The following CAPN6 variants were observed in gnomAD, a reference collection of about 807,000 sequenced individuals.
CAPN6 encodes the protein calpain 6, also known as calpain-6.
In CAPN6, 16 loss-of-function variants were observed where a neutral mutation model predicts 46.0. That is an observed-to-expected ratio of 0.35 (90% CI 0.24 to 0.53). The LOEUF is 0.53. Among genes scored for constraint, CAPN6 ranks in the 20% least tolerant of loss-of-function variants. The pLI, the probability that CAPN6 is intolerant of heterozygous loss-of-function variation, is 0.94. For missense variants in CAPN6, 461 were observed against 498.0 expected (o/e 0.93, Z 0.71); for synonymous variants, 206 against 172.8 (o/e 1.19, Z -1.51).
chrX:111,263,101 T>C (rs1354094031), intron 2 of CAPN6, among the ~76,000 whole-genome samples: 1 of 112,483 alleles, frequency 8.9e-6, no homozygotes, highest in Non-Finnish European at 1.9e-5. Flanking sequence ...AGTTGCTTTT[T>C]GTGTTACCAT....
In CAPN6 at chrX:111,248,524, T is replaced by G. The variant is rs748876211; in HGVS notation, c.1484+45A>C. 2.9e-6 allele frequency: 3 copies of G among 1,017,022 alleles called. No homozygotes were observed. The East Asian group carries it at 9.1e-5, about 31-fold the overall frequency. The allele number at this position is 1,017,022 out of a possible 1,213,427, so 83.8% of individuals were successfully genotyped here. On this transcript the variant is annotated intron_variant, in intron 10 of 12. Transcript: ENST00000324068. ...GGGTGAAGGGGTTTAGGATTGGAAG[T>G]AAAGCAAAGAACAGGGGTTTGAGGG... is the stretch of plus-strand genomic sequence containing the variant.
intron 1 of CAPN6, among the ~76,000 whole-genome samples, chrX:111,265,008 G>A (rs2094990730): frequency 8.9e-6 from 1 of 111,997 alleles, no homozygotes; most frequent in African/African-American, 3.2e-5. Flanking sequence ...ATTTCAAAAT[G>A]TATTTTAGAA....
Position 111,251,263 on chromosome X carries a change from G to A in CAPN6, c.917C>T (p.Thr306Ile). The A allele has an allele frequency of 2.5e-6, 3 of 1,203,847 alleles. No homozygotes were observed. In the Admixed American group the frequency reaches 6.6e-5, roughly 26 times the overall value. ...CCCCAGGTTCTTGCGATCTGATGCA[G>A]TCAGTTGCTGCCACTCTTCAGAACT... ...SEISEEWQQL[T>I]ASDRKNLGLV... Residue 306 changes from threonine to isoleucine, a missense_variant, in exon 7 of 13, where the codon ACT becomes ATT. By Grantham distance (89) the Thr-to-Ile change is moderately conservative. Coordinates refer to ENST00000324068, the MANE Select transcript of CAPN6 (RefSeq NM_014289.4).
At chrX:111,261,343 T>C (rs768292205) in intron 2 of CAPN6, among the ~76,000 whole-genome samples, 10 of 112,726 alleles carry the variant, frequency 8.9e-5, no homozygotes, top group Non-Finnish European at 1.7e-4. Flanking sequence ...TCTACTGCTA[T>C]TTTTTAAACT....
chrX:111,247,421 C>G lies in CAPN6; in HGVS notation c.1690G>C (p.Asp564His). 8.3e-7 allele frequency: 1 copy of G among 1,207,946 alleles called. No individual in the cohort carries two copies. The highest frequency in any genetic ancestry group is 1.1e-6 in the Non-Finnish European group (1 of 893,224). ...CTTCTGTAGAAAATGGCCTGGGTGT[C>G]AAAAATGGCATGAACTGTATTCTTC... ...VQKNTVHAIFDTQAIFYRRTT... is the reference protein window; with the variant it reads ...VQKNTVHAIFHTQAIFYRRTT... Residue 564 changes from aspartate (D) to histidine (H), a missense_variant, in exon 12 of 13, where the codon GAC (aspartate) becomes CAC (histidine). By Grantham distance (81) the Asp-to-His change is moderately conservative (BLOSUM62 -1). Coordinates refer to ENST00000324068, the MANE Select transcript of CAPN6 (RefSeq NM_014289.4).
chrX:111,250,847 A>G, intron 8 of CAPN6, 70 bp downstream of exon 8: 1 of 988,779 alleles, frequency 1.0e-6, no homozygotes, highest in Admixed American at 2.5e-5. Flanking sequence ...TACTCCAGAG[A>G]TGACCAAAGC....
intron 1 of CAPN6, among the ~76,000 whole-genome samples, chrX:111,267,960 A>G (rs1037277799): frequency 3.5e-4 from 39 of 112,539 alleles, no homozygotes; most frequent in Non-Finnish European, 6.2e-4. Context: ...GGACTTGGAT[A>G]GGAAAAAGTA....
intron 10 of CAPN6, 51 bp downstream of exon 10, chrX:111,248,518 T>C (rs1370330896): frequency 2.0e-5 from 19 of 961,558 alleles, no homozygotes; most frequent in Non-Finnish European, 2.5e-5. Context: ...GGTTTAGGAT[T>C]GGAAGTAAAG....
intron 4 of CAPN6, 107 bp downstream of exon 4, chrX:111,252,901 C>T: frequency 6.3e-6 from 4 of 634,861 alleles, no homozygotes; most frequent in Non-Finnish European, 9.6e-6. Context: ...ACATCTTACC[C>T]AACTTAAACT....
At chrX:111,248,476 T>C (rs1433626587) in intron 10 of CAPN6, 93 bp downstream of exon 10, 7 of 623,466 alleles carry the variant, frequency 1.1e-5, no homozygotes, top group African/African-American at 4.4e-5. Flanking sequence ...AGTTGTCCCA[T>C]TGAATGTCTG....
rs780884051 is a variant in CAPN6 at position 111,253,176 on chromosome X, T to G, written c.338A>C (p.Lys113Thr). ...AAATATCCCAGCGTATTTTTCTGTTTTTTGAGGGTCCCATTCCTGTTCCTT... is the reference window on the plus strand; with the variant it reads ...AAATATCCCAGCGTATTTTTCTGTTGTTTGAGGGTCCCATTCCTGTTCCTT... ...NHKEQEWDPQ[K>T]TEKYAGIFHF... is the part of the protein sequence containing the mutation. Residue 113 changes from lysine (K) to threonine (T), a missense_variant, in exon 4 of 13, where the codon AAA becomes ACA. Physicochemically the swap from Lys to Thr is moderately conservative, Grantham distance 78. Coordinates refer to ENST00000324068, the MANE Select transcript of CAPN6 (RefSeq NM_014289.4). The G allele has an allele frequency of 7.4e-6, 9 of 1,210,920 alleles. No homozygotes were observed. The highest frequency in any genetic ancestry group is 1.0e-5 in the Non-Finnish European group (9 of 894,541).
chrX:111,252,288 G>C lies in CAPN6; in HGVS notation c.699+19C>G. 1 of 1,158,828 alleles carries C rather than the reference G, an allele frequency of 8.6e-7. No individual in the cohort carries two copies. Among genetic ancestry groups the C allele is most frequent in the Middle Eastern group, 2.4e-4 (1 of 4,139 alleles). On this transcript the variant is annotated intron_variant, in intron 5 of 12. Transcript: ENST00000324068. ...TGCCAGGAATGAGTATACAGTGGTT[G>C]TTTTTCATGAGTACAAACCTCAATG...
At chrX:111,253,340 G>T in intron 3 of CAPN6, 124 bp from the exon 4 acceptor site, 1 of 538,067 alleles carries the variant, frequency 1.9e-6, no homozygotes, top group Non-Finnish European at 3.1e-6. Flanking sequence ...CCTGGTTTGA[G>T]TCTGGATTGG....
chrX:111,252,575 A>G (rs943369977), intron 4 of CAPN6, 76 bp from the exon 5 acceptor site: 22 of 820,287 alleles, frequency 2.7e-5, no homozygotes, highest in Non-Finnish European at 3.8e-5. Context: ...AAAGAATCAG[A>G]ACATCCCCTG....
intron 11 of CAPN6, 143 bp from the exon 12 acceptor site, chrX:111,247,647 C>T: frequency 1.5e-6 from 1 of 674,983 alleles, no homozygotes; most frequent in Admixed American, 3.4e-5. Flanking sequence ...CACTTTTATT[C>T]CCACTTCCCT....
intron 1 of CAPN6, among the ~76,000 whole-genome samples, chrX:111,267,686 T>G (rs1163641757): frequency 9.0e-6 from 1 of 111,611 alleles, no homozygotes; most frequent in Non-Finnish European, 1.9e-5. Flanking sequence ...TGGATTTAGG[T>G]GAGTGGGAGA....
rs201944265 is a variant in CAPN6 at position 111,252,459 on chromosome X, T to A, written c.547A>T (p.Thr183Ser). 103 of 1,209,002 alleles carry A rather than the reference T, an allele frequency of 8.5e-5. No homozygotes were observed. Among genetic ancestry groups the A allele is most frequent in the Non-Finnish European group, 1.1e-4 (98 of 894,747 alleles). Residue 183 changes from threonine to serine, a missense_variant, in exon 5 of 13, where the codon ACT becomes TCT. Thr to Ser is a moderately conservative substitution (Grantham distance 58). Coordinates refer to ENST00000324068, the MANE Select transcript of CAPN6 (RefSeq NM_014289.4). ...CCCGTGAAGTCCACAATAATATCAG[T>A]GATGGTCAAACCATCCAGGGCCTCA... ...CYEALDGLTI[T>S]DIIVDFTGTL...
intron 12 of CAPN6, among the ~76,000 whole-genome samples, chrX:111,247,139 C>T (rs1410234309): frequency 9.0e-6 from 1 of 111,683 alleles, no homozygotes; most frequent in African/African-American, 3.3e-5. Context: ...TACTGGTGAG[C>T]ATGTGGGCTT....
intron 5 of CAPN6, 26 bp from the exon 6 acceptor site, chrX:111,251,768 G>C: frequency 8.6e-7 from 1 of 1,156,770 alleles, no homozygotes; most frequent in South Asian, 1.9e-5. Context: ...GATATATAAA[G>C]GCACAGGAAT....
Sources: allele counts gnomAD v4.1 joint callset (sites outside exome capture counted in the v4.1 genomes callset), GRCh38; gene constraint gnomAD v4.1.1; transcripts MANE v1.5; gene names NCBI Gene and HGNC (gene_info 2026-07-23, HGNC 2026-07-21).